The following MAP3K14 variants were observed in gnomAD, a reference collection of about 807,000 sequenced individuals.
The protein encoded by MAP3K14 is NF-kappa-beta-inducing kinase.
Under a neutral mutation model 99.2 loss-of-function variants are expected in MAP3K14, and 16 were observed. The ratio of observed to expected loss-of-function variants is 0.16; its 90% CI spans 0.11 to 0.24. The LOEUF is 0.24. MAP3K14 is among the 10% of genes least tolerant of loss of function. The pLI is 1.00. For synonymous variants in MAP3K14, 462 were observed against 492.4 expected (o/e 0.94, Z 0.82); for missense variants, 784 against 1,208.7 (o/e 0.65, Z 5.21).
intron 1 of MAP3K14, among the ~76,000 whole-genome samples, chr17:45,292,665 A>G (rs993011580): frequency 4.0e-5 from 6 of 151,598 alleles, no homozygotes; most frequent in Non-Finnish European, 7.4e-5. Context: ...CCCACCTCAC[A>G]CCTCCCCACC....
intron 1 of MAP3K14, among the ~76,000 whole-genome samples, chr17:45,307,276 A>T (rs2044437685): frequency 6.6e-6 from 1 of 151,958 alleles, no homozygotes; most frequent in Admixed American, 6.5e-5. Flanking sequence ...AAAAAAAAAA[A>T]TTAATTAATT....
At chr17:45,265,583 A>G (rs1397113681) in intron 14 of MAP3K14, among the ~76,000 whole-genome samples, 2 of 152,140 alleles carry the variant, frequency 1.3e-5, no homozygotes, top group Non-Finnish European at 2.9e-5. Context: ...GATTACAGGC[A>G]TGCGCCACTA....
At position 45,272,009 on chromosome 17, in the gene MAP3K14, G is replaced by C. The variant is rs896921953; in HGVS notation, c.1658-788C>G. On this transcript the variant is annotated intron_variant, in intron 9 of 15. Transcript: ENST00000344686. The surrounding 1 kb of genome is among the most constrained non-coding windows in gnomAD (Gnocchi z 4.1). Reference sequence around the variant, plus strand: ...GATTTGTATTTGTAATTTTTGCTTAGCTCTACTTTCTTCAACAGATATTAG... The same window carrying C: ...GATTTGTATTTGTAATTTTTGCTTACCTCTACTTTCTTCAACAGATATTAG... Among the ~76,000 whole-genome samples the C allele has an allele frequency of 1.3e-5, 2 of 152,134 alleles. No individual in the cohort carries two copies. Among genetic ancestry groups the C allele is most frequent in the African/African-American group, 4.8e-5 (2 of 41,420 alleles).
chr17:45,278,769 T>G (rs1310264257), intron 6 of MAP3K14, among the ~76,000 whole-genome samples: 1 of 151,572 alleles, frequency 6.6e-6, no homozygotes, highest in Non-Finnish European at 1.5e-5. Context: ...GCCTCGACCT[T>G]CCCGGGCTCA....
At chr17:45,301,185 C>T (rs1037470727) in intron 1 of MAP3K14, among the ~76,000 whole-genome samples, 8 of 150,014 alleles carry the variant, frequency 5.3e-5, no homozygotes, top group African/African-American at 1.5e-4. Context: ...AAAAAAAAGC[C>T]GGGTGCCATG....
chr17:45,303,391 T>A (rs2044405509), intron 1 of MAP3K14, among the ~76,000 whole-genome samples: 1 of 152,070 alleles, frequency 6.6e-6, no homozygotes, highest in Admixed American at 6.6e-5. Context: ...GGAAATCTCG[T>A]CTCTACTAAA....
At chr17:45,308,366 T>C (rs181865817) in intron 1 of MAP3K14, among the ~76,000 whole-genome samples, 12 of 152,318 alleles carry the variant, frequency 7.9e-5, no homozygotes, top group Non-Finnish European at 1.2e-4. Flanking sequence ...TTGATCTACC[T>C]GCCTACAACT....
At chr17:45,297,532 A>G (rs1173060869) in intron 1 of MAP3K14, among the ~76,000 whole-genome samples, 3 of 152,160 alleles carry the variant, frequency 2.0e-5, no homozygotes, top group Non-Finnish European at 4.4e-5. Flanking sequence ...ATGCACATCT[A>G]ATACACACAT....
intron 11 of MAP3K14, among the ~76,000 whole-genome samples, chr17:45,269,811 C>T (rs1165264570): frequency 6.6e-6 from 1 of 152,188 alleles, no homozygotes; most frequent in Non-Finnish European, 1.5e-5. Context: ...TTTGTAATAT[C>T]CTTTCTAATA....
intron 3 of MAP3K14, among the ~76,000 whole-genome samples, chr17:45,288,644 G>C (rs979673785): frequency 1.3e-5 from 2 of 152,070 alleles, no homozygotes; most frequent in African/African-American, 4.8e-5. Context: ...AGAAAGTGCT[G>C]GGATTATAGG....
chr17:45,285,841 A>G (rs1402158976), intron 5 of MAP3K14, among the ~76,000 whole-genome samples: 1 of 151,530 alleles, frequency 6.6e-6, no homozygotes, highest in Non-Finnish European at 1.5e-5. Context: ...AGTCCCAGCT[A>G]CTCGGGGGGC....
At position 45,286,877 on chromosome 17, in the gene MAP3K14, G is replaced by C; in HGVS notation, c.706C>G (p.Leu236Val). 6.2e-7 allele frequency: 1 copy of C among 1,614,054 alleles called. No homozygotes were observed. The highest frequency in any genetic ancestry group is 8.5e-7 in the Non-Finnish European group (1 of 1,179,894). Residue 236 changes from leucine to valine, a missense_variant, in exon 5 of 16, where the codon CTG (leucine) becomes GTG (valine). Leu to Val is a conservative substitution (Grantham distance 32). Coordinates refer to ENST00000344686, the MANE Select transcript of MAP3K14 (RefSeq NM_003954.5). This position sits in a 1 kb window ranked among gnomAD's most constrained non-coding sequence, Gnocchi z 4.1. ...TGGTGCAGTTTCCACACGTGGTTCA[G>C]ACATTGCAAGGGGCTGATCAGTTTG... is the stretch of plus-strand genomic sequence containing the variant. ...LHKLISPLQC[L>V]NHVWKLHHPQ...
intron 6 of MAP3K14, 130 bp from the exon 7 acceptor site, chr17:45,274,723 G>T: frequency 1.7e-6 from 2 of 1,159,672 alleles, no homozygotes; most frequent in Non-Finnish European, 2.4e-6. Flanking sequence ...GCAGGGGCCT[G>T]GGGGGCCTGC....
intron 6 of MAP3K14, among the ~76,000 whole-genome samples, chr17:45,281,313 T>C (rs2044221029): frequency 6.6e-6 from 1 of 150,796 alleles, no homozygotes; most frequent in South Asian, 2.1e-4. Flanking sequence ...GCTAGGATTA[T>C]AGGTATAAGT....
chr17:45,285,717 A>T (rs973391941), intron 5 of MAP3K14, among the ~76,000 whole-genome samples: 1 of 152,174 alleles, frequency 6.6e-6, no homozygotes, highest in Non-Finnish European at 1.5e-5. Flanking sequence ...GCACTTTTGG[A>T]GGCCAATGTG....
At chr17:45,302,127 G>A (rs1204659972) in intron 1 of MAP3K14, among the ~76,000 whole-genome samples, 2 of 151,072 alleles carry the variant, frequency 1.3e-5, no homozygotes, top group South Asian at 2.1e-4. Context: ...CACTGCGCCC[G>A]ACCTTGGTTC....
chr17:45,314,475 C>T (rs1023340350), intron 1 of MAP3K14, among the ~76,000 whole-genome samples: 1 of 152,178 alleles, frequency 6.6e-6, no homozygotes, highest in Non-Finnish European at 1.5e-5. Context: ...ACACTGGTGC[C>T]ATCAATAGTG....
chr17:45,265,331 G>C, intron 14 of MAP3K14, 68 bp from the exon 15 acceptor site: 4 of 1,025,184 alleles, frequency 3.9e-6, no homozygotes, highest in Non-Finnish European at 6.2e-6. Flanking sequence ...GGTCCTGGCA[G>C]GGGCTGGGGG....
In MAP3K14 at chr17:45,287,375, A is replaced by G. The variant is rs780084901; in HGVS notation, c.327-11T>C. 1.2e-6 allele frequency: 2 copies of G among 1,612,524 alleles called. No homozygotes were observed. The highest frequency in any genetic ancestry group is 1.7e-6 in the Non-Finnish European group (2 of 1,178,650). On this transcript the variant is annotated splice_polypyrimidine_tract_variant and intron_variant, in intron 3 of 15. Transcript: ENST00000344686. ...AGACTCTCGGACTGGCTGTCACAAA[A>G]GGGACAGATTTGCATATTGAGCACG...
Sources: gnomAD v4.1 joint callset for allele counts (sites outside exome capture counted in the v4.1 genomes callset) on GRCh38, gnomAD v4.1.1 for gene constraint, Gnocchi (gnomAD v3.1) non-coding constraint, MANE v1.5 for transcripts, NCBI Gene and HGNC (gene_info 2026-07-23, HGNC 2026-07-21) for gene names.